Variants in PAPSS1 observed in about 807,000 individuals in gnomAD.
The protein encoded by PAPSS1 is bifunctional 3'-phosphoadenosine 5'-phosphosulfate synthase 1.
In PAPSS1, 50 loss-of-function variants were observed where a neutral mutation model predicts 72.0. The observed-to-expected ratio is 0.69, with a 90% CI of 0.55 to 0.88. PAPSS1 has a LOEUF of 0.88. Among genes scored for constraint, PAPSS1 ranks in the 40% least tolerant of loss-of-function variants. The pLI is 0.00. For synonymous variants in PAPSS1, 261 were observed against 263.6 expected (o/e 0.99, Z 0.09); for missense variants, 657 against 782.2 (o/e 0.84, Z 1.91).
At chr4:107,629,046 T>A (rs929595182) in intron 11 of PAPSS1, among the ~76,000 whole-genome samples, 3 of 152,200 alleles carry the variant, frequency 2.0e-5, no homozygotes, top group Admixed American at 2.0e-4. Flanking sequence ...CAACTATGCA[T>A]GGATTTCCAT....
At chr4:107,659,815 TAG>T (rs1727123338) in intron 6 of PAPSS1, 142 bp downstream of exon 6, 1 of 580,090 alleles carries the variant, frequency 1.7e-6, no homozygotes, top group African/African-American at 2.0e-5. Flanking sequence ...TCCCCATCCT[TAG>T]AAATTGTGAC....
chr4:107,638,682 G>A (rs1455150432), intron 10 of PAPSS1, among the ~76,000 whole-genome samples: 1 of 152,058 alleles, frequency 6.6e-6, no homozygotes, highest in Non-Finnish European at 1.5e-5. Flanking sequence ...TAAGAAAACA[G>A]AGGAAGGCAA....
At chr4:107,661,305 A>C (rs539478235) in intron 5 of PAPSS1, among the ~76,000 whole-genome samples, 2 of 152,300 alleles carry the variant, frequency 1.3e-5, no homozygotes, top group Admixed American at 6.5e-5. Flanking sequence ...GTTTGTTACA[A>C]AACTAAACAT....
intron 1 of PAPSS1, chr4:107,719,874 C>T (rs1425996402): frequency 7.3e-5 from 99 of 1,353,962 alleles, no homozygotes; most frequent in Non-Finnish European, 8.9e-5. Flanking sequence ...GGGGGGCGTT[C>T]TTCCCACGAA....
intron 3 of PAPSS1, among the ~76,000 whole-genome samples, chr4:107,690,439 A>T (rs1224345132): frequency 2.0e-5 from 3 of 152,140 alleles, no homozygotes; most frequent in Non-Finnish European, 4.4e-5. Context: ...GACTCATTTC[A>T]AGCAGCAGCT....
At chr4:107,631,029 T>C (rs1726213234) in intron 11 of PAPSS1, among the ~76,000 whole-genome samples, 3 of 152,208 alleles carry the variant, frequency 2.0e-5, no homozygotes, top group South Asian at 2.1e-4. Context: ...ATGTAAAATA[T>C]TGTATACAGT....
chr4:107,713,131 G>C (rs1723539311), intron 1 of PAPSS1, among the ~76,000 whole-genome samples: 1 of 151,836 alleles, frequency 6.6e-6, no homozygotes, highest in Admixed American at 6.6e-5. Flanking sequence ...CATATTTTTA[G>C]TAGAGACGAG....
intron 1 of PAPSS1, among the ~76,000 whole-genome samples, chr4:107,708,919 G>C (rs926651795): frequency 3.9e-5 from 6 of 152,090 alleles, no homozygotes; most frequent in Non-Finnish European, 7.4e-5. Flanking sequence ...ACTGAGTTTT[G>C]GCCAATCAAA....
chr4:107,666,389 T>A (rs1180766216), intron 5 of PAPSS1, among the ~76,000 whole-genome samples: 1 of 152,176 alleles, frequency 6.6e-6, no homozygotes, highest in Non-Finnish European at 1.5e-5. Context: ...AAAATCCTGA[T>A]TTGTTAGTGT....
chr4:107,672,483 C>G (rs1273960249), intron 5 of PAPSS1, among the ~76,000 whole-genome samples: 1 of 152,184 alleles, frequency 6.6e-6, no homozygotes, highest in Non-Finnish European at 1.5e-5. Flanking sequence ...GCACAGCAGT[C>G]TGAGATCAAA....
intron 10 of PAPSS1, among the ~76,000 whole-genome samples, chr4:107,636,865 T>C (rs894260060): frequency 2.4e-4 from 36 of 152,200 alleles, no homozygotes; most frequent in African/African-American, 8.4e-4. Context: ...TGTTTCAAAA[T>C]TTCCTTCCCA....
At chr4:107,645,423 T>G (rs1162685442) in intron 9 of PAPSS1, among the ~76,000 whole-genome samples, 1 of 152,154 alleles carries the variant, frequency 6.6e-6, no homozygotes, top group Non-Finnish European at 1.5e-5. Flanking sequence ...GATAAACATT[T>G]TTGGTCTGTG....
chr4:107,708,209 C>A (rs947082658), intron 1 of PAPSS1, among the ~76,000 whole-genome samples: 7 of 152,136 alleles, frequency 4.6e-5, no homozygotes, highest in African/African-American at 1.7e-4. Flanking sequence ...AGATTCATTT[C>A]TTTTCAATAA....
chr4:107,683,786 C>G (rs998514236), intron 4 of PAPSS1, among the ~76,000 whole-genome samples: 24 of 152,096 alleles, frequency 1.6e-4, no homozygotes, highest in African/African-American at 5.6e-4. Context: ...AAGCCTGAGG[C>G]CCCCTGAATA....
At chr4:107,628,978 A>G (rs1726166767) in intron 11 of PAPSS1, among the ~76,000 whole-genome samples, 1 of 152,246 alleles carries the variant, frequency 6.6e-6, no homozygotes, top group Non-Finnish European at 1.5e-5. Context: ...TGTCAGTCAA[A>G]GAGAGACAGA....
At chr4:107,656,810 C>T (rs926863630) in intron 7 of PAPSS1, 86 bp downstream of exon 7, 3 of 917,726 alleles carry the variant, frequency 3.3e-6, no homozygotes, top group Admixed American at 1.8e-5. Flanking sequence ...CGTTACCCTA[C>T]TACTTTTTGT....
intron 5 of PAPSS1, among the ~76,000 whole-genome samples, chr4:107,680,922 T>C (rs548630015): frequency 1.8e-4 from 28 of 152,264 alleles, no homozygotes; most frequent in African/African-American, 6.7e-4. Context: ...GCAGTATCGA[T>C]TTACATTATT....
chr4:107,634,956 C>G (rs1726324479), intron 10 of PAPSS1, among the ~76,000 whole-genome samples: 1 of 151,440 alleles, frequency 6.6e-6, no homozygotes. Context: ...CGCTACCACG[C>G]CCAGCTAATT....
At chr4:107,714,543 G>A (rs924844013) in intron 1 of PAPSS1, among the ~76,000 whole-genome samples, 1 of 152,168 alleles carries the variant, frequency 6.6e-6, no homozygotes, top group African/African-American at 2.4e-5. Context: ...CTCAGAGTAA[G>A]AAATGGCAAC....
Sources: gnomAD v4.1 joint callset for allele counts (sites outside exome capture counted in the v4.1 genomes callset) on GRCh38, gnomAD v4.1.1 for gene constraint, MANE v1.5 for transcripts, NCBI Gene and HGNC (gene_info 2026-07-23, HGNC 2026-07-21) for gene names.